MROH7: variants seen among roughly 807,000 people sequenced by gnomAD.
The protein encoded by MROH7 is maestro heat-like repeat-containing protein family member 7.
In MROH7, 113 loss-of-function variants were observed where a neutral mutation model predicts 129.2. The ratio of observed to expected loss-of-function variants is 0.87; its 90% confidence interval spans 0.75 to 1.02. MROH7 has a LOEUF of 1.02. MROH7 is among the 50% of genes least tolerant of loss of function. The probability of loss-of-function intolerance (pLI) is 0.00; values close to 1 mark genes in which losing one functional copy is unlikely to be tolerated. For synonymous variants in MROH7, 655 were observed against 667.9 expected, an observed-to-expected ratio of 0.98 and a Z score of 0.30; for missense variants, 1,601 against 1,671.3, an observed-to-expected ratio of 0.96 and a Z score of 0.73.
chr1:54,697,644 T>A, intron 17 of MROH7: 1 of 703,076 alleles, frequency 1.4e-6, no homozygotes, highest in South Asian at 1.5e-5. Flanking sequence ...ATTTCACTAA[T>A]CTGCACAGCA....
intron 16 of MROH7, among the ~76,000 whole-genome samples, chr1:54,694,311 C>T (rs935050736): frequency 6.6e-6 from 1 of 152,246 alleles, no homozygotes; most frequent in Non-Finnish European, 1.5e-5. Flanking sequence ...ATTCTGCACT[C>T]CATGCATGAT....
chr1:54,681,603 G>C (rs1040486250), intron 13 of MROH7, among the ~76,000 whole-genome samples: 1 of 152,222 alleles, frequency 6.6e-6, no homozygotes, highest in African/African-American at 2.4e-5. Flanking sequence ...ATGGAGGGTT[G>C]AAACCCTCTT....
At chr1:54,672,259 A>G (rs1197183004) in intron 7 of MROH7, among the ~76,000 whole-genome samples, 2 of 151,894 alleles carry the variant, frequency 1.3e-5, no homozygotes, top group Admixed American at 1.3e-4. Context: ...AGGAGGAGGC[A>G]GGTGGTGAGC....
At chr1:54,697,524 A>G (rs1645342771) in intron 17 of MROH7, 1 of 572,560 alleles carries the variant, frequency 1.7e-6, no homozygotes, top group East Asian at 2.9e-5. Context: ...AGCTCCATCC[A>G]GTTCTAACTC....
chr1:54,653,655 C>T lies in MROH7; in HGVS notation c.729C>T (p.Asp243=), dbSNP rs1392384494. 3 of 1,614,202 alleles carry T rather than the reference C, an allele frequency of 1.9e-6. No individual in the cohort carries two copies. The highest frequency in any genetic ancestry group is 4.5e-5 in the East Asian group (2 of 44,884). The change falls in exon 3 of 24, where the codon GAC becomes GAT. Residue 243 remains aspartate, a synonymous_variant. Coordinates refer to ENST00000421030, the MANE Select transcript of MROH7 (RefSeq NM_001039464.4). ...APDSHGTLIP[D]TNETITLASH... is the part of the protein sequence containing the mutation. ...ATTCTCATGGGACCCTAATCCCAGA[C>T]ACAAATGAGACCATCACTTTGGCTT... is the stretch of plus-strand genomic sequence containing the variant.
chr1:54,644,277 ACCTT>A (rs1017488168), intron 1 of MROH7, among the ~76,000 whole-genome samples: 3 of 149,460 alleles, frequency 2.0e-5, no homozygotes, highest in African/African-American at 4.9e-5. Flanking sequence ...TGTTGTTTAG[ACCTT>A]CCTTCCTTCC....
At position 54,652,925 on chromosome 1, in the gene MROH7, A is replaced by G. The variant is rs752040436; in HGVS notation, c.-2A>G. ...TGGCATTGAGAGACCTCCAGACTGG[A>G]CATGGCCCTGAGTCCAGGGGCTAAC... On this transcript the variant is annotated 5_prime_UTR_variant, in exon 3 of 24. Transcript: ENST00000421030. The G allele has an allele frequency of 1.3e-6, 2 of 1,573,994 alleles. No homozygotes were observed. Among genetic ancestry groups the G allele is most frequent in the Non-Finnish European group, 1.7e-6 (2 of 1,162,444 alleles).
At chr1:54,663,808 C>G (rs1193019432) in intron 3 of MROH7, 2 of 453,580 alleles carry the variant, frequency 4.4e-6, no homozygotes, top group East Asian at 7.0e-5. Flanking sequence ...TGGAATCGAC[C>G]TTTTCTCCAA....
intron 1 of MROH7, among the ~76,000 whole-genome samples, chr1:54,650,061 A>C (rs1644531308): frequency 6.6e-6 from 1 of 152,314 alleles, no homozygotes; most frequent in South Asian, 2.1e-4. Context: ...CTGGGTGCTG[A>C]GTGCCTTATT....
At chr1:54,704,874 A>G (rs1431153389) in intron 21 of MROH7, among the ~76,000 whole-genome samples, 3 of 130,644 alleles carry the variant, frequency 2.3e-5, no homozygotes, top group African/African-American at 8.9e-5. Flanking sequence ...ATCTCCGCTC[A>G]TCGCAACCCT....
At chr1:54,688,056 C>T (rs1645176880) in intron 15 of MROH7, among the ~76,000 whole-genome samples, 1 of 151,074 alleles carries the variant, frequency 6.6e-6, no homozygotes, top group South Asian at 2.1e-4. Context: ...CCCGTCTCTA[C>T]TAAAAATACA....
In MROH7 at chr1:54,671,003, C is replaced by T. The variant is rs528055686; in HGVS notation, c.1599+74C>T. On this transcript the variant is annotated intron_variant, in intron 7 of 23. Transcript: ENST00000421030. ...GGAGGAGATATGGAGCTGCATCCTCCGGCTCATTGGTCTGTGGCCTTGGGC... is the reference window on the plus strand; with the variant it reads ...GGAGGAGATATGGAGCTGCATCCTCTGGCTCATTGGTCTGTGGCCTTGGGC... 7.3e-5 allele frequency: 108 copies of T among 1,482,294 alleles called. No individual in the cohort carries two copies. The African/African-American group carries it at 7.4e-4, about 10-fold the overall frequency. The allele number at this position is 1,482,294 out of a possible 1,614,324, so 91.8% of individuals were successfully genotyped here.
At position 54,702,125 on chromosome 1, in the gene MROH7, G is replaced by C. The variant is rs374681053; in HGVS notation, c.3321G>C (p.Leu1107=). Residue 1107 remains leucine (L), a synonymous_variant, in exon 20 of 24, where the codon CTG becomes CTC. Transcript: ENST00000421030. The part of the protein sequence containing the change: ...REVVRSSCIN[L]YGKVVQKLRA... ...TCGTGCGCTCCTCCTGCATCAACCT[G>C]TATGGGAAGGTGGTCCAGAAGCTTC... 2.7e-5 allele frequency: 43 copies of C among 1,611,612 alleles called. No homozygotes were observed. The Middle Eastern group carries it at 1.2e-3, about 43-fold the overall frequency.
chr1:54,650,300 C>T (rs1246601765), intron 1 of MROH7, among the ~76,000 whole-genome samples: 1 of 152,154 alleles, frequency 6.6e-6, no homozygotes, highest in Non-Finnish European at 1.5e-5. Flanking sequence ...GCTTTAAACT[C>T]AGGACTACAT....
rs754381660 is a variant in MROH7, at chr1:54,653,738, G to A, written c.812G>A (p.Ser271Asn). 5.6e-6 allele frequency: 9 copies of A among 1,614,072 alleles called. No homozygotes were observed. Among genetic ancestry groups the A allele is most frequent in the Non-Finnish European group, 7.6e-6 (9 of 1,180,040 alleles). ...KGAFSTTWST[S>N]SKETMNVASS... ...GCCTTTAGTACCACCTGGAGCACAA[G>A]TTCAAAGGAAACCATGAATGTGGCT... The change falls in exon 3 of 24, where the codon AGT becomes AAT. Residue 271 changes from serine to asparagine, a missense_variant. Physicochemically the swap from Ser to Asn is conservative, Grantham distance 46 (BLOSUM62 1). Transcript: ENST00000421030.
chr1:54,696,648 C>G (rs11206414), intron 17 of MROH7, among the ~76,000 whole-genome samples: 27,986 of 136,956 alleles, frequency 0.2, 3,099 homozygotes, highest in South Asian at 0.3. Flanking sequence ...GCATGCATCA[C>G]AATTTCCTTA....
chr1:54,646,761 C>T (rs1481712738), intron 1 of MROH7, among the ~76,000 whole-genome samples: 1 of 152,096 alleles, frequency 6.6e-6, no homozygotes, highest in Non-Finnish European at 1.5e-5. Flanking sequence ...AAAAGGAAAC[C>T]CTATACCCAT....
intron 10 of MROH7, 73 bp from the exon 11 acceptor site, chr1:54,678,668 GT>G: frequency 1.0e-6 from 1 of 999,786 alleles, no homozygotes; most frequent in South Asian, 1.3e-5. Context: ...TCCTTATGAT[GT>G]AGGGACTTCC....
Position 54,686,354 on chromosome 1 carries a change from G to A in MROH7, c.2617G>A (p.Val873Ile), listed in dbSNP as rs770553481. 3 of 1,614,160 alleles carry A rather than the reference G, an allele frequency of 1.9e-6. No homozygotes were observed. Among genetic ancestry groups the A allele is most frequent in the African/African-American group, 1.3e-5 (1 of 75,038 alleles). Reference sequence around the variant, plus strand: ...GCTGCTCCTGGCCCTGCTCATTCAGGTCCATTACCACATCGGCCTCAACCT... The same window carrying A: ...GCTGCTCCTGGCCCTGCTCATTCAGATCCATTACCACATCGGCCTCAACCT... ...PQLLLALLIQVHYHIGLNLPG... is the reference protein window; with the variant it reads ...PQLLLALLIQIHYHIGLNLPG... Residue 873 changes from valine (V) to isoleucine (I), a missense_variant, in exon 15 of 24, where the codon GTC becomes ATC. Physicochemically the swap from Val to Ile is conservative, Grantham distance 29. Transcript: ENST00000421030.
Sources: allele counts gnomAD v4.1 joint callset (sites outside exome capture counted in the v4.1 genomes callset), GRCh38; gene constraint gnomAD v4.1.1; transcripts MANE v1.5; gene names NCBI Gene and HGNC (gene_info 2026-07-23, HGNC 2026-07-21).